Variants in TET1 observed in about 807,000 individuals in gnomAD.
TET1 encodes the protein tet methylcytosine dioxygenase 1.
Under a neutral mutation model 148.7 loss-of-function variants are expected in TET1, and 13 were observed. That is an observed-to-expected ratio of 0.09 (90% CI 0.06 to 0.14). TET1 has a LOEUF of 0.14. Ranked by LOEUF, TET1 falls within the 10% of genes least tolerant of loss-of-function variation. The pLI, the probability that TET1 is intolerant of heterozygous loss-of-function variation, is 1.00. For synonymous variants in TET1, 907 were observed against 937.2 expected (o/e 0.97, Z 0.59); for missense variants, 2,182 against 2,553.8 (o/e 0.85, Z 3.14).
chr10:68,564,702 T>G (rs1017120222), intron 1 of TET1, among the ~76,000 whole-genome samples: 3 of 152,220 alleles, frequency 2.0e-5, no homozygotes, highest in Admixed American at 6.5e-5. Flanking sequence ...GCACTTTCAC[T>G]GACTCTTGAA....
chr10:68,680,284 C>T (rs1033542210), intron 8 of TET1, among the ~76,000 whole-genome samples: 1 of 152,230 alleles, frequency 6.6e-6, no homozygotes, highest in African/African-American at 2.4e-5. Flanking sequence ...TCCACCAAAT[C>T]TCACATGAGC....
intron 3 of TET1, among the ~76,000 whole-genome samples, chr10:68,607,421 G>T (rs12771612): frequency 0.012 from 1,739 of 141,708 alleles, 30 homozygotes; most frequent in African/African-American, 0.042. Flanking sequence ...TTTTTTTTTT[G>T]TTTTTTTTGT....
chr10:68,569,162 G>GTTTTTTTTTTTTT (rs1362900985), intron 1 of TET1, among the ~76,000 whole-genome samples: 1 of 122,328 alleles, frequency 8.2e-6, no homozygotes, highest in African/African-American at 3.3e-5. Context: ...AGGCAGGAGA[G>GTTTTTTTTTTTTT]TTTCTTTTTT....
intron 3 of TET1, among the ~76,000 whole-genome samples, chr10:68,619,185 C>G (rs1186394502): frequency 6.6e-6 from 1 of 152,078 alleles, no homozygotes; most frequent in African/African-American, 2.4e-5. Context: ...ATACAAGTAT[C>G]TCTATAGTTA....
chr10:68,652,373 C>G, intron 5 of TET1, 128 bp from the exon 6 acceptor site: 1 of 532,788 alleles, frequency 1.9e-6, no homozygotes, highest in African/African-American at 2.2e-5. Flanking sequence ...GAGTAAATTA[C>G]GAAGAGTGTC....
At chr10:68,580,433 C>T (rs1479495140) in intron 2 of TET1, among the ~76,000 whole-genome samples, 1 of 149,518 alleles carries the variant, frequency 6.7e-6, no homozygotes, top group Non-Finnish European at 1.5e-5. Flanking sequence ...CATTCACCCA[C>T]CTCAGCCTCC....
At position 68,628,139 on chromosome 10, in the gene TET1, G is replaced by A. The variant is rs373570910; in HGVS notation, c.1969-16559G>A. Among the ~76,000 whole-genome samples, 4 of 152,242 alleles carry A rather than the reference G, an allele frequency of 2.6e-5. No individual in the cohort carries two copies. In the East Asian group the frequency reaches 7.7e-4, roughly 29 times the overall value. ...TTTTTTGTATTTTTAGTAGAGATGG[G>A]TTTCGCCATGTTGGCCAGGCTGGTC... On this transcript the variant is annotated intron_variant, in intron 3 of 11. Coordinates refer to ENST00000373644, the MANE Select transcript of TET1 (RefSeq NM_030625.3).
intron 6 of TET1, among the ~76,000 whole-genome samples, chr10:68,661,467 A>G (rs2055113462): frequency 6.6e-6 from 1 of 151,542 alleles, no homozygotes; most frequent in Non-Finnish European, 1.5e-5. Flanking sequence ...CAGTTTGGGT[A>G]TACTCAAACT....
Position 68,607,171 on chromosome 10 carries a change from TA to T in TET1, c.1968+6151del, listed in dbSNP as rs34408803. On this transcript the variant is annotated intron_variant, in intron 3 of 11. Coordinates refer to ENST00000373644, the MANE Select transcript of TET1 (RefSeq NM_030625.3). The stretch of plus-strand genomic sequence containing the variant: ...TTAAGGAAAATTTCATTCAGGCTAT[TA>T]AAAAAAAAAAAAAGACTTGAATTCT... Among the ~76,000 whole-genome samples, 737 of 142,210 alleles carry T rather than the reference TA, an allele frequency of 5.2e-3. 1 individual carries two copies. The highest frequency in any genetic ancestry group is 9.2e-3 in the African/African-American group (357 of 38,902). 93.3% of individuals were successfully genotyped at this position (142,210 alleles called of 152,430 possible).
rs1318756016 is a variant in TET1, at chr10:68,573,378, AG to A, written c.1042del (p.Ala348ProfsTer18). 1 of 1,614,156 alleles carries A rather than the reference AG, an allele frequency of 6.2e-7. No individual in the cohort carries two copies. ...ATLGAKPDHQ[E>X]AFEATANQQE... ...CTTGGTGCTAAACCAGATCATCAAG[AG>A]GCCTTCGAAGCTACTGCAAATCAAC... On this transcript the variant is annotated frameshift_variant, in exon 2 of 12. Transcript: ENST00000373644. LOFTEE classifies it high-confidence loss of function.
In TET1 at chr10:68,604,087, A is replaced by G. The variant is rs117309437; in HGVS notation, c.1968+3053A>G. Among the ~76,000 whole-genome samples, 797 of 152,328 alleles carry G rather than the reference A, an allele frequency of 5.2e-3. 5 individuals are homozygous for G. The highest frequency in any genetic ancestry group is 9.1e-3 in the Non-Finnish European group (618 of 68,026). On this transcript the variant is annotated intron_variant, in intron 3 of 11. Transcript: ENST00000373644. ...CAAGCATTTCCTTGACTCTTGATCT[A>G]GGTAGAGGTGTGGTCTAATTCCAGT...
At chr10:68,667,390 A>G (rs1415840183) in intron 7 of TET1, 134 bp downstream of exon 7, 1 of 788,978 alleles carries the variant, frequency 1.3e-6, no homozygotes, top group Non-Finnish European at 2.0e-6. Context: ...AAAAGAATGA[A>G]CATTTCTGTA....
intron 3 of TET1, among the ~76,000 whole-genome samples, chr10:68,613,065 CTT>C (rs2054239833): frequency 6.6e-6 from 1 of 152,202 alleles, no homozygotes; most frequent in African/African-American, 2.4e-5. Context: ...TATAGCTTAA[CTT>C]CAGTCAGTTA....
At chr10:68,593,943 T>G (rs1308992313) in intron 2 of TET1, among the ~76,000 whole-genome samples, 1 of 131,140 alleles carries the variant, frequency 7.6e-6, no homozygotes, top group African/African-American at 2.9e-5. Flanking sequence ...TTTTTTTTTT[T>G]GAGACAGAGT....
At chr10:68,655,377 C>A (rs2055006469) in intron 6 of TET1, among the ~76,000 whole-genome samples, 1 of 152,172 alleles carries the variant, frequency 6.6e-6, no homozygotes, top group Non-Finnish European at 1.5e-5. Flanking sequence ...AAATAAATCA[C>A]ACAATTGGTT....
rs189002456 is a variant in TET1, at chr10:68,602,884, C to T, written c.1968+1850C>T. Among the ~76,000 whole-genome samples the T allele has an allele frequency of 2.0e-5, 3 of 152,162 alleles. No individual in the cohort carries two copies. The East Asian group carries it at 5.8e-4, about 29-fold the overall frequency. ...TTCTGTTAGACATAATTTTTTTTCT[C>T]ATCCAAAGAAAGCTTTGTTTCTCTG... On this transcript the variant is annotated intron_variant, in intron 3 of 11. Coordinates refer to ENST00000373644, the MANE Select transcript of TET1 (RefSeq NM_030625.3).
chr10:68,584,337 C>T (rs931821181), intron 2 of TET1, among the ~76,000 whole-genome samples: 5 of 151,520 alleles, frequency 3.3e-5, no homozygotes, highest in African/African-American at 7.3e-5. Flanking sequence ...CCACTGCGCC[C>T]GGCCATGAGT....
At chr10:68,613,421 T>G (rs1196250166) in intron 3 of TET1, among the ~76,000 whole-genome samples, 1 of 152,134 alleles carries the variant, frequency 6.6e-6, no homozygotes, top group Non-Finnish European at 1.5e-5. Flanking sequence ...ACTGTTGGAG[T>G]CTTTGTTGGA....
Position 68,692,662 on chromosome 10 carries a change from G to A in TET1, c.*848G>A. The A allele has an allele frequency of 4.3e-6, 1 of 231,658 alleles. No homozygotes were observed. The allele number at this position is 231,658 out of a possible 1,614,324, so 14.4% of individuals were successfully genotyped here. The stretch of plus-strand genomic sequence containing the variant: ...GCAGTATATAAAATAGTTAGATAAT[G>A]AGAAGTTGTTAATTATCTCTAAAAT... On this transcript the variant is annotated 3_prime_UTR_variant, in exon 12 of 12. Transcript: ENST00000373644.
Sources: gnomAD v4.1 joint callset for allele counts (sites outside exome capture counted in the v4.1 genomes callset) on GRCh38, gnomAD v4.1.1 for gene constraint, MANE v1.5 for transcripts, NCBI Gene and HGNC (gene_info 2026-07-23, HGNC 2026-07-21) for gene names.